Variants in KIRREL3 observed in about 807,000 individuals in gnomAD.
KIRREL3 encodes the protein kirre like nephrin family adhesion molecule 3.
KIRREL3 carries 36 observed loss-of-function variants against 89.7 expected under a neutral mutation model. That is an observed-to-expected ratio of 0.40 (90% CI 0.31 to 0.53). The LOEUF is 0.53. Ranked by LOEUF, KIRREL3 falls within the 20% of genes least tolerant of loss-of-function variation. KIRREL3 has a pLI of 0.49. For synonymous variants in KIRREL3, 445 were observed against 441.4 expected (o/e 1.01, Z -0.10); for missense variants, 864 against 1,056.6 (o/e 0.82, Z 2.53).
chr11:126,648,089 G>C (rs1011099120), intron 1 of KIRREL3, among the ~76,000 whole-genome samples: 5 of 152,054 alleles, frequency 3.3e-5, no homozygotes, highest in African/African-American at 1.2e-4. Flanking sequence ...CACGAGATTT[G>C]GTTGTTTGAA....
Position 126,831,417 on chromosome 11 carries a change from C to T in KIRREL3, c.55+169038G>A, listed in dbSNP as rs369452334. Among the ~76,000 whole-genome samples, 180 of 95,124 alleles carry T rather than the reference C, an allele frequency of 1.9e-3. 3 individuals are homozygous for T. In the South Asian group the frequency reaches 0.077, roughly 41 times the overall value. 62.4% of individuals were successfully genotyped at this position (95,124 alleles called of 152,430 possible). A position where few individuals can be genotyped will look rare whatever the true frequency, so the allele number is the denominator to read the frequency against. On this transcript the variant is annotated intron_variant, in intron 1 of 16. Coordinates refer to ENST00000525144, the MANE Select transcript of KIRREL3 (RefSeq NM_032531.4). The stretch of plus-strand genomic sequence containing the variant: ...CTCTCTTAAGTCAGTCTCTCTGTCT[C>T]TCTCTATCTCTCTCTCTTTCTCTCT...
intron 4 of KIRREL3, among the ~76,000 whole-genome samples, chr11:126,483,829 C>A (rs1286190584): frequency 6.6e-6 from 1 of 152,208 alleles, no homozygotes; most frequent in Non-Finnish European, 1.5e-5. Flanking sequence ...ATCCCAGCCT[C>A]TTTTCAATCA....
chr11:126,490,679 A>G lies in KIRREL3; in HGVS notation c.434-17213T>C, dbSNP rs1456703989. Among the ~76,000 whole-genome samples the G allele has an allele frequency of 1.3e-5, 2 of 152,206 alleles. No individual in the cohort carries two copies. The highest frequency in any genetic ancestry group is 2.9e-5 in the Non-Finnish European group (2 of 68,038). On this transcript the variant is annotated intron_variant, in intron 4 of 16. Transcript: ENST00000525144. The surrounding 1 kb of genome is among the most constrained non-coding windows in gnomAD (Gnocchi z 4.2). Reference sequence around the variant, plus strand: ...TTCTGTGAAGGTTAGGAGAAGTTCCATGGGATGGCATTTGTGACGTCCCCA... The same window carrying G: ...TTCTGTGAAGGTTAGGAGAAGTTCCGTGGGATGGCATTTGTGACGTCCCCA...
chr11:126,947,003 G>T (rs1948637547), intron 1 of KIRREL3, among the ~76,000 whole-genome samples: 1 of 152,090 alleles, frequency 6.6e-6, no homozygotes, highest in Admixed American at 6.5e-5. Context: ...TATCCGCTAG[G>T]CTCTAGAACC....
chr11:126,548,374 G>A (rs1426804401), intron 2 of KIRREL3, among the ~76,000 whole-genome samples: 2 of 152,196 alleles, frequency 1.3e-5, no homozygotes, highest in Non-Finnish European at 2.9e-5. Context: ...AGGCCACTGT[G>A]CCCTCACACA....
chr11:126,748,426 G>T lies in KIRREL3; in HGVS notation c.56-185514C>A, dbSNP rs1443158516. On this transcript the variant is annotated intron_variant, in intron 1 of 16. Transcript: ENST00000525144. The surrounding 1 kb of genome is among the most constrained non-coding windows in gnomAD (Gnocchi z 4.6). The stretch of plus-strand genomic sequence containing the variant: ...AAACCCCAGACTCAGGCCCCAAAAG[G>T]TTATTTCATCAATAATTCTTGAGCT... Among the ~76,000 whole-genome samples the T allele has an allele frequency of 1.3e-5, 2 of 152,342 alleles. No individual in the cohort carries two copies. The highest frequency in any genetic ancestry group is 1.9e-4 in the East Asian group (1 of 5,190).
At chr11:126,667,224 G>T (rs959990362) in intron 1 of KIRREL3, among the ~76,000 whole-genome samples, 1 of 152,204 alleles carries the variant, frequency 6.6e-6, no homozygotes, top group Non-Finnish European at 1.5e-5. Flanking sequence ...CGCAGCAAAA[G>T]TCCATTTCCA....
Position 126,525,154 on chromosome 11 carries a change from C to A in KIRREL3, c.283+1384G>T, listed in dbSNP as rs533364969. Among the ~76,000 whole-genome samples, 1 of 152,264 alleles carries A rather than the reference C, an allele frequency of 6.6e-6. No individual in the cohort carries two copies. Among genetic ancestry groups the A allele is most frequent in the African/African-American group, 2.4e-5 (1 of 41,554 alleles). On this transcript the variant is annotated intron_variant, in intron 3 of 16. Transcript: ENST00000525144. This position sits in a 1 kb window ranked among gnomAD's most constrained non-coding sequence, Gnocchi z 5.4. ...CCACCGTATGCACTATCCCTGCTGA[C>A]CTGAGCCTCCTTTTGGCCACTGACC...
At chr11:126,730,271 G>A (rs1948562480) in intron 1 of KIRREL3, among the ~76,000 whole-genome samples, 1 of 152,186 alleles carries the variant, frequency 6.6e-6, no homozygotes, top group Admixed American at 6.5e-5. Flanking sequence ...AGTGTGACAC[G>A]TCCAAATGAG....
rs1043461088 is a variant in KIRREL3 at position 126,729,852 on chromosome 11, C to T, written c.56-166940G>A. Among the ~76,000 whole-genome samples, 2 of 152,158 alleles carry T rather than the reference C, an allele frequency of 1.3e-5. No homozygotes were observed. Among genetic ancestry groups the T allele is most frequent in the Non-Finnish European group, 1.5e-5 (1 of 68,020 alleles). The stretch of plus-strand genomic sequence containing the variant: ...TTGCTGCTTTTAACTGTTTCCAAAT[C>T]CTTCTAGTTCATAGGCTCCTCTGCT... On this transcript the variant is annotated intron_variant, in intron 1 of 16. Coordinates refer to ENST00000525144, the MANE Select transcript of KIRREL3 (RefSeq NM_032531.4). The surrounding 1 kb of genome is among the most constrained non-coding windows in gnomAD (Gnocchi z 4.5).
chr11:126,813,794 C>T (rs766976917), intron 1 of KIRREL3, among the ~76,000 whole-genome samples: 11 of 151,474 alleles, frequency 7.3e-5, no homozygotes, highest in Non-Finnish European at 1.6e-4. Flanking sequence ...GTGGGATCCC[C>T]GAAACTAGAA....
intron 1 of KIRREL3, among the ~76,000 whole-genome samples, chr11:126,958,705 T>C (rs1948996298): frequency 6.6e-6 from 1 of 152,236 alleles, no homozygotes; most frequent in Admixed American, 6.5e-5. Flanking sequence ...CAAACACTCA[T>C]GCAAAGCATC....
chr11:126,849,594 C>T (rs1007521828), intron 1 of KIRREL3, among the ~76,000 whole-genome samples: 31 of 152,144 alleles, frequency 2.0e-4, no homozygotes, highest in African/African-American at 7.5e-4. Context: ...TTCTCCTGTC[C>T]CTGCTGACCG....
rs1276812321 is a variant in KIRREL3 at position 126,476,946 on chromosome 11, A to C, written c.434-3480T>G. Among the ~76,000 whole-genome samples, 4 of 152,242 alleles carry C rather than the reference A, an allele frequency of 2.6e-5. No homozygotes were observed. Among genetic ancestry groups the C allele is most frequent in the Non-Finnish European group, 2.9e-5 (2 of 68,042 alleles). ...TAATTTTTAATCACAAGGAAGGTGGAGGCGTTAGCCTTTTCGTGATTAATC... is the reference window on the plus strand; with the variant it reads ...TAATTTTTAATCACAAGGAAGGTGGCGGCGTTAGCCTTTTCGTGATTAATC... On this transcript the variant is annotated intron_variant, in intron 4 of 16. Coordinates refer to ENST00000525144, the MANE Select transcript of KIRREL3 (RefSeq NM_032531.4). The surrounding 1 kb of genome is among the most constrained non-coding windows in gnomAD (Gnocchi z 6.4).
intron 1 of KIRREL3, among the ~76,000 whole-genome samples, chr11:126,657,859 G>A (rs531703378): frequency 4.0e-4 from 61 of 152,244 alleles, no homozygotes; most frequent in African/African-American, 1.4e-3. Flanking sequence ...TTCCAATCAG[G>A]CTTTACTGCT....
Position 126,571,911 on chromosome 11 carries a change from A to G in KIRREL3, c.56-8999T>C, listed in dbSNP as rs992135965. ...GGTGGGGGAACAGAGAAATAGGATC[A>G]TGAAGGCCATTCCTGTCCTCCAGTC... On this transcript the variant is annotated intron_variant, in intron 1 of 16. Transcript: ENST00000525144. The surrounding 1 kb of genome is among the most constrained non-coding windows in gnomAD (Gnocchi z 7.7). 1.3e-5 allele frequency among the ~76,000 whole-genome samples: 2 copies of G among 152,244 alleles called. No homozygotes were observed. The highest frequency in any genetic ancestry group is 4.8e-5 in the African/African-American group (2 of 41,472).
chr11:126,434,083 A>T (rs1175090913), intron 13 of KIRREL3, among the ~76,000 whole-genome samples: 1 of 152,202 alleles, frequency 6.6e-6, no homozygotes, highest in Admixed American at 6.5e-5. Context: ...ATCTCTTCCC[A>T]GTCCCCAGCC....
Position 126,969,914 on chromosome 11 carries a change from G to T in KIRREL3, c.55+30541C>A, listed in dbSNP as rs568660787. Among the ~76,000 whole-genome samples the T allele has an allele frequency of 5.3e-5, 8 of 152,294 alleles. No homozygotes were observed. In the East Asian group the frequency reaches 1.4e-3, roughly 26 times the overall value. ...CACATTCATAAAATAATTTTGTAGG[G>T]CTGGTAGTTAGTTCCAGCAAAACCA... On this transcript the variant is annotated intron_variant, in intron 1 of 16. Transcript: ENST00000525144. The surrounding 1 kb of genome is among the most constrained non-coding windows in gnomAD (Gnocchi z 4.9).
In KIRREL3 at chr11:126,724,563, C is replaced by A. The variant is rs768724111; in HGVS notation, c.56-161651G>T. The stretch of plus-strand genomic sequence containing the variant: ...CTCCATGAATTTCCAGCTGAAGCAA[C>A]ACGTTTCTGTCCCCAAGGGATGAAG... On this transcript the variant is annotated intron_variant, in intron 1 of 16. Coordinates refer to ENST00000525144, the MANE Select transcript of KIRREL3 (RefSeq NM_032531.4). This position sits in a 1 kb window ranked among gnomAD's most constrained non-coding sequence, Gnocchi z 4.3. 2.0e-5 allele frequency among the ~76,000 whole-genome samples: 3 copies of A among 152,222 alleles called. No homozygotes were observed. The highest frequency in any genetic ancestry group is 2.9e-5 in the Non-Finnish European group (2 of 68,044).
Sources: allele counts gnomAD v4.1 joint callset (sites outside exome capture counted in the v4.1 genomes callset), GRCh38; gene constraint gnomAD v4.1.1; non-coding constraint Gnocchi (gnomAD v3.1); transcripts MANE v1.5; gene names NCBI Gene and HGNC (gene_info 2026-07-23, HGNC 2026-07-21).